The following ARHGEF3 variants were observed in gnomAD, a reference collection of about 807,000 sequenced individuals.
ARHGEF3 encodes the protein Rho guanine nucleotide exchange factor 3.
In ARHGEF3, 28 loss-of-function variants were observed where a neutral mutation model predicts 63.2. The observed-to-expected ratio is 0.44, with a 90% CI of 0.33 to 0.61. The LOEUF (loss-of-function observed/expected upper bound fraction) is 0.61, where lower values mean the gene tolerates loss of function less well. ARHGEF3 is among the 20% of genes least tolerant of loss of function. The pLI, the probability that ARHGEF3 is intolerant of heterozygous loss-of-function variation, is 0.03. For missense variants in ARHGEF3, 533 were observed against 659.3 expected, an observed-to-expected ratio of 0.81 and a Z score of 2.10; for synonymous variants, 266 against 254.2, an observed-to-expected ratio of 1.05 and a Z score of -0.44.
At chr3:56,748,336 A>G (rs964149987) in intron 6 of ARHGEF3, among the ~76,000 whole-genome samples, 3 of 152,102 alleles carry the variant, frequency 2.0e-5, no homozygotes, top group Admixed American at 6.5e-5. Flanking sequence ...GGGCCCTAGA[A>G]TATTTTTATT....
rs117988619 is a variant in ARHGEF3, at chr3:56,881,327, C to T, written c.192+965G>A. Among the ~76,000 whole-genome samples the T allele has an allele frequency of 2.5e-4, 38 of 152,230 alleles. No homozygotes were observed. In the East Asian group the frequency reaches 6.6e-3, roughly 26 times the overall value. ...TGGTCTCCACAGAGGAGAGCGAGCACGGCCTAATGTTAGACGGATCCACAG... is the reference window on the plus strand; with the variant it reads ...TGGTCTCCACAGAGGAGAGCGAGCATGGCCTAATGTTAGACGGATCCACAG... On this transcript the variant is annotated intron_variant, in intron 4 of 12. Transcript: ENST00000338458.
intron 4 of ARHGEF3, among the ~76,000 whole-genome samples, chr3:56,868,667 T>C (rs2108215973): frequency 6.6e-6 from 1 of 152,310 alleles, no homozygotes; most frequent in East Asian, 1.9e-4. Context: ...CCAGCCAGTT[T>C]CAAGGATATT....
intron 3 of ARHGEF3, among the ~76,000 whole-genome samples, chr3:56,940,402 G>T (rs1206018588): frequency 6.6e-6 from 1 of 152,068 alleles, no homozygotes; most frequent in African/African-American, 2.4e-5. Flanking sequence ...AAATAAACAG[G>T]CATCTAGAAA....
At chr3:56,936,679 G>T (rs907103851) in intron 3 of ARHGEF3, among the ~76,000 whole-genome samples, 1 of 152,190 alleles carries the variant, frequency 6.6e-6, no homozygotes, top group East Asian at 1.9e-4. Flanking sequence ...TGACATCATA[G>T]GGAAGCAGTC....
chr3:56,745,146 T>C (rs1021352619), intron 7 of ARHGEF3, 59 bp downstream of exon 7: 158 of 1,566,980 alleles, frequency 1.0e-4, no homozygotes, highest in Non-Finnish European at 1.2e-4. Flanking sequence ...ACTGACCCAA[T>C]CCACCAGCCA....
chr3:57,035,043 G>C lies in ARHGEF3; in HGVS notation c.62+45C>G, dbSNP rs766848108. The C allele has an allele frequency of 4.8e-6, 7 of 1,459,556 alleles. No individual in the cohort carries two copies. In the African/African-American group the frequency reaches 1.0e-4, roughly 21 times the overall value. The allele number at this position is 1,459,556 out of a possible 1,614,324, so 90.4% of individuals were successfully genotyped here. A position where few individuals can be genotyped will look rare whatever the true frequency, so the allele number is the denominator to read the frequency against. ...CATTTCATTTAATTGTTGCATACAG[G>C]AATTTTAAAATTTTTAATTATTTAG... On this transcript the variant is annotated intron_variant, in intron 2 of 12. Transcript: ENST00000338458.
rs373088501 is a variant in ARHGEF3 at position 56,973,523 on chromosome 3, T to C, written c.63-14634A>G. 3.3e-5 allele frequency among the ~76,000 whole-genome samples: 5 copies of C among 152,094 alleles called. No homozygotes were observed. The East Asian group carries it at 9.7e-4, about 29-fold the overall frequency. On this transcript the variant is annotated intron_variant, in intron 2 of 12. Coordinates refer to the ARHGEF3 transcript ENST00000338458. The stretch of plus-strand genomic sequence containing the variant: ...AATAGTATGGACCTCCAAATAGAGA[T>C]GTGGAATTAGCTGCTAAATATAAGG...
At chr3:56,903,545 C>T (rs1035837711) in intron 3 of ARHGEF3, among the ~76,000 whole-genome samples, 7 of 152,310 alleles carry the variant, frequency 4.6e-5, no homozygotes, top group African/African-American at 1.7e-4. Context: ...CAGTCAAAAC[C>T]AATCCATCAA....
intron 3 of ARHGEF3, among the ~76,000 whole-genome samples, chr3:56,915,472 C>A (rs1165342435): frequency 1.3e-5 from 2 of 151,904 alleles, no homozygotes; most frequent in Non-Finnish European, 2.9e-5. Context: ...TCTCAAAAAA[C>A]AAAAACAAAC....
At chr3:57,078,380 T>C (rs1028098411) in intron 1 of ARHGEF3, among the ~76,000 whole-genome samples, 1 of 152,154 alleles carries the variant, frequency 6.6e-6, no homozygotes, top group Non-Finnish European at 1.5e-5. Context: ...GGCCAGGCAA[T>C]AAATCCAGCA....
chr3:56,732,563 G>C, intron 8 of ARHGEF3, 139 bp from the exon 9 acceptor site: 1 of 998,800 alleles, frequency 1.0e-6, no homozygotes, highest in Non-Finnish European at 1.5e-6. Context: ...TCTACCTCCA[G>C]GAGAACCAAA....
chr3:56,803,890 T>TTC (rs2037770049), upstream of ARHGEF3, among the ~76,000 whole-genome samples: 1 of 30,088 alleles, frequency 3.3e-5, no homozygotes. Flanking sequence ...TTTTCTTTCT[T>TTC]TTTTTTTTTT....
intron 2 of ARHGEF3, among the ~76,000 whole-genome samples, chr3:56,769,738 C>A: frequency 6.6e-6 from 1 of 152,298 alleles, no homozygotes; most frequent in African/African-American, 2.4e-5. Flanking sequence ...CTGATTAGAG[C>A]ACCTTATTTG....
chr3:56,820,389 G>A (rs1459771804), intron 4 of ARHGEF3, among the ~76,000 whole-genome samples: 1 of 152,124 alleles, frequency 6.6e-6, no homozygotes, highest in Non-Finnish European at 1.5e-5. Context: ...AACACATAAT[G>A]AGAAAGCACA....
At chr3:56,774,944 TG>T in intron 1 of ARHGEF3, 1 of 1,305,760 alleles carries the variant, frequency 7.7e-7, no homozygotes, top group Non-Finnish European at 1.0e-6. Context: ...AAACAGGCTA[TG>T]GGGAAGAGAA....
chr3:56,831,961 G>A (rs1403314818), intron 4 of ARHGEF3, among the ~76,000 whole-genome samples: 4 of 152,238 alleles, frequency 2.6e-5, no homozygotes, highest in African/African-American at 4.8e-5. Flanking sequence ...AGGTATGATC[G>A]TGAGTTACCG....
intron 2 of ARHGEF3, among the ~76,000 whole-genome samples, chr3:56,758,448 T>C (rs943829766): frequency 5.3e-5 from 8 of 151,578 alleles, no homozygotes; most frequent in African/African-American, 1.9e-4. Context: ...AAAATATATA[T>C]AGATATATAT....
intron 3 of ARHGEF3, among the ~76,000 whole-genome samples, chr3:56,912,627 A>G (rs1257676584): frequency 6.6e-6 from 1 of 152,250 alleles, no homozygotes; most frequent in Non-Finnish European, 1.5e-5. Flanking sequence ...AAATCTGAGT[A>G]AAGTGTTTAG....
At chr3:56,964,201 GA>G (rs1479904750) in intron 2 of ARHGEF3, among the ~76,000 whole-genome samples, 1 of 151,882 alleles carries the variant, frequency 6.6e-6, no homozygotes, top group Non-Finnish European at 1.5e-5. Context: ...AAAAAATGCA[GA>G]AATTACTGTA....
Sources: gnomAD v4.1 joint callset for allele counts (sites outside exome capture counted in the v4.1 genomes callset) on GRCh38, gnomAD v4.1.1 for gene constraint, MANE v1.5 for transcripts, NCBI Gene and HGNC (gene_info 2026-07-23, HGNC 2026-07-21) for gene names.